Variants in NUP133 observed in about 807,000 individuals in gnomAD.
NUP133 encodes nucleoporin 133, also known as nuclear pore complex protein Nup133.
A neutral mutation model predicts 146.2 loss-of-function variants in NUP133; 66 were observed. The ratio of observed to expected loss-of-function variants is 0.45; its 90% CI spans 0.37 to 0.55. The LOEUF is 0.55. Ranked by LOEUF, NUP133 falls within the 20% of genes least tolerant of loss-of-function variation. The pLI, the probability that NUP133 is intolerant of heterozygous loss-of-function variation, is 0.00. For synonymous variants in NUP133, 521 were observed against 498.8 expected, an observed-to-expected ratio of 1.04 and a Z score of -0.59; for missense variants, 1,277 against 1,374.8, an observed-to-expected ratio of 0.93 and a Z score of 1.12.
chr1:229,449,873 A>ATTTTTT (rs71281043), intron 23 of NUP133, among the ~76,000 whole-genome samples: 6 of 85,796 alleles, frequency 7.0e-5, no homozygotes, highest in African/African-American at 1.0e-4. Flanking sequence ...ATATATATAT[A>ATTTTTT]TTTTTTTTTT....
At position 229,482,206 on chromosome 1, in the gene NUP133, G is replaced by A. The variant is rs1422839298; in HGVS notation, c.1592+1848C>T. Among the ~76,000 whole-genome samples, 4 of 152,030 alleles carry A rather than the reference G, an allele frequency of 2.6e-5. No individual in the cohort carries two copies. In the South Asian group the frequency reaches 6.2e-4, roughly 24 times the overall value. Reference sequence around the variant, plus strand: ...ACAAACTAAGCTCAGTAGATCACGAGGTACAGAATGTTAGAACTGTAAAAG... The same window carrying A: ...ACAAACTAAGCTCAGTAGATCACGAAGTACAGAATGTTAGAACTGTAAAAG... On this transcript the variant is annotated intron_variant, in intron 12 of 25. Coordinates refer to ENST00000261396, the MANE Select transcript of NUP133 (RefSeq NM_018230.3).
At chr1:229,471,570 A>G (rs1459792926) in intron 14 of NUP133, among the ~76,000 whole-genome samples, 1 of 152,094 alleles carries the variant, frequency 6.6e-6, no homozygotes, top group Non-Finnish European at 1.5e-5. Context: ...TGCATCTTCT[A>G]CTGAGTTGCT....
Position 229,470,616 on chromosome 1 carries a change from T to A in NUP133, c.2040A>T (p.Pro680=). The stretch of plus-strand genomic sequence containing the variant: ...AGACATCTGCAGGAGTCAGGTTGGA[T>A]GGGATTTCATACTCCCTCTTGTTCA... ...IALNKREYEI[P]SNLTPADVFF... is the part of the protein sequence containing the mutation. The change falls in exon 15 of 26, where the codon CCA becomes CCT. Residue 680 remains proline (P), a synonymous_variant. Coordinates refer to ENST00000261396, the MANE Select transcript of NUP133 (RefSeq NM_018230.3). 1 of 1,614,214 alleles carries A rather than the reference T, an allele frequency of 6.2e-7. No homozygotes were observed.
At chr1:229,474,995 C>CTAA (rs2102765875) in intron 14 of NUP133, among the ~76,000 whole-genome samples, 1 of 152,108 alleles carries the variant, frequency 6.6e-6, no homozygotes, top group African/African-American at 2.4e-5. Context: ...GTCCCAGCTA[C>CTAA]CCAGGAGGCT....
chr1:229,496,133 T>C (rs1661650257), intron 6 of NUP133, 86 bp from the exon 7 acceptor site: 2 of 1,026,582 alleles, frequency 1.9e-6, no homozygotes, highest in Non-Finnish European at 2.7e-6. Context: ...ATTTCACATA[T>C]GTGATTAGTA....
At chr1:229,500,383 T>C (rs987484067) in intron 4 of NUP133, among the ~76,000 whole-genome samples, 2 of 152,212 alleles carry the variant, frequency 1.3e-5, no homozygotes, top group African/African-American at 4.8e-5. Flanking sequence ...TTCAAATTAA[T>C]CTTTGTAACA....
In NUP133 at chr1:229,441,760, T is replaced by C; in HGVS notation, c.*144A>G. 1 of 667,322 alleles carries C rather than the reference T, an allele frequency of 1.5e-6. No individual in the cohort carries two copies. The allele number at this position is 667,322 out of a possible 1,614,324, so 41.3% of individuals were successfully genotyped here. The stretch of plus-strand genomic sequence containing the variant: ...CAAAATCACAGTTACATAACTATTT[T>C]ATATTAGCTTCCTACATATAAAGTA... On this transcript the variant is annotated 3_prime_UTR_variant, in exon 26 of 26. Coordinates refer to ENST00000261396, the MANE Select transcript of NUP133 (RefSeq NM_018230.3).
At chr1:229,487,296 C>T (rs946740645) in intron 10 of NUP133, among the ~76,000 whole-genome samples, 170 bp downstream of exon 10, 5 of 152,100 alleles carry the variant, frequency 3.3e-5, no homozygotes. Flanking sequence ...TTCTAGTACC[C>T]TTTTGGTTTC....
chr1:229,452,672 G>C (rs1159628516), intron 21 of NUP133, 29 bp from the exon 22 acceptor site: 10 of 1,520,900 alleles, frequency 6.6e-6, no homozygotes, highest in Non-Finnish European at 9.0e-6. Flanking sequence ...GGGAGGGAAA[G>C]AGAATATGAT....
intron 9 of NUP133, 88 bp from the exon 10 acceptor site, chr1:229,487,701 C>A: frequency 9.7e-7 from 1 of 1,028,888 alleles, no homozygotes; most frequent in South Asian, 1.6e-5. Flanking sequence ...TACATTATTT[C>A]ATAAAAATAT....
chr1:229,467,643 C>CTA (rs145173855), intron 15 of NUP133, among the ~76,000 whole-genome samples: 4,598 of 152,158 alleles, frequency 0.03, 236 homozygotes, highest in African/African-American at 0.1. Context: ...CAATGAAAGC[C>CTA]TATATAATGG....
Position 229,486,358 on chromosome 1 carries a change from C to A in NUP133, c.1500+13G>T, listed in dbSNP as rs374225643. 1.9e-6 allele frequency: 3 copies of A among 1,549,736 alleles called. No homozygotes were observed. The African/African-American group carries it at 4.9e-5, about 25-fold the overall frequency. On this transcript the variant is annotated intron_variant, in intron 11 of 25. Coordinates refer to ENST00000261396, the MANE Select transcript of NUP133 (RefSeq NM_018230.3). ...TAACATAAAAACTTCAAATTCTTAT[C>A]GAATCACATTACCTCACTGTTTGGT...
At chr1:229,476,843 G>A (rs1246300919) in intron 13 of NUP133, among the ~76,000 whole-genome samples, 1 of 150,328 alleles carries the variant, frequency 6.7e-6, no homozygotes, top group Non-Finnish European at 1.5e-5. Context: ...AGTATCACTT[G>A]AACCCAGGAG....
intron 24 of NUP133, among the ~76,000 whole-genome samples, chr1:229,447,380 G>T (rs1291945410): frequency 1.3e-5 from 2 of 151,902 alleles, no homozygotes; most frequent in African/African-American, 4.8e-5. Context: ...TAATCTTCCT[G>T]TAATACTGTG....
Position 229,460,688 on chromosome 1 carries a change from C to T in NUP133, c.2767G>A (p.Gly923Arg), listed in dbSNP as rs149720511. The T allele has an allele frequency of 3.7e-6, 6 of 1,613,882 alleles. No homozygotes were observed. The highest frequency in any genetic ancestry group is 5.1e-6 in the Non-Finnish European group (6 of 1,179,974). The change falls in exon 20 of 26, where the codon GGA becomes AGA. Residue 923 changes from glycine (G) to arginine (R), a missense_variant. Around this residue, in one of 3 missense-constraint regions of NUP133, gnomAD observed 952 missense variants for 1,047.0 expected, o/e 0.91. Transcript: ENST00000261396. ...GCTTGCAAAAAATTTGCCAACTGTC[C>T]ATGCTGAGAAATGGGCTGAGATAAT... ...KLLSQPISQH[G>R]QLANFLQAHE...
intron 24 of NUP133, among the ~76,000 whole-genome samples, chr1:229,445,696 A>G (rs1660287013): frequency 6.6e-6 from 1 of 152,234 alleles, no homozygotes; most frequent in African/African-American, 2.4e-5. Context: ...ATCAATGGAC[A>G]TGATAACTTT....
chr1:229,508,118 G>A lies in NUP133; in HGVS notation c.132C>T (p.Ser44=). The A allele has an allele frequency of 6.4e-7, 1 of 1,573,758 alleles. No homozygotes were observed. The highest frequency in any genetic ancestry group is 8.6e-7 in the Non-Finnish European group (1 of 1,161,386). The part of the protein sequence containing the change: ...RKGLPLGSAV[S]SPVLFSPVGR... ...CGACCGGCGAGAAGAGCACTGGGGAGCTGACTGCAGACCCCAGGGGCAGAC... is the reference window on the plus strand; with the variant it reads ...CGACCGGCGAGAAGAGCACTGGGGAACTGACTGCAGACCCCAGGGGCAGAC... Residue 44 remains serine, a synonymous_variant, in exon 1 of 26, where the codon AGC becomes AGT. Transcript: ENST00000261396.
chr1:229,486,407 C>T lies in NUP133; in HGVS notation c.1464G>A (p.Gly488=), dbSNP rs1661347671. 2 of 1,605,756 alleles carry T rather than the reference C, an allele frequency of 1.2e-6. No homozygotes were observed. The highest frequency in any genetic ancestry group is 8.5e-7 in the Non-Finnish European group (1 of 1,178,072). Residue 488 remains glycine (G), a synonymous_variant, in exon 11 of 26, where the codon GGG becomes GGA. Transcript: ENST00000261396. The stretch of plus-strand genomic sequence containing the variant: ...GTCCAGCAACTGAAGATGCTAAAGA[C>T]CCTTCCAAGTCTTCTGCCAATATAG... ...NVSILAEDLE[G]SLASSVAGPN...
intron 14 of NUP133, among the ~76,000 whole-genome samples, chr1:229,472,757 T>C (rs1043919240): frequency 2.7e-5 from 4 of 148,296 alleles, no homozygotes; most frequent in Admixed American, 2.0e-4. Context: ...ACAGTGAATA[T>C]GATCAGATTA....
Sources: gnomAD v4.1 joint callset for allele counts (sites outside exome capture counted in the v4.1 genomes callset) on GRCh38, gnomAD v4.1.1 for gene constraint, gnomAD v4.1.1 regional missense constraint, MANE v1.5 for transcripts, NCBI Gene and HGNC (gene_info 2026-07-23, HGNC 2026-07-21) for gene names.